Variants in PPCDC observed in about 807,000 individuals in gnomAD.
The protein encoded by PPCDC is phosphopantothenoylcysteine decarboxylase.
In PPCDC, 20 loss-of-function variants were observed where a neutral mutation model predicts 20.7. The ratio of observed to expected loss-of-function variants is 0.97; its 90% CI spans 0.68 to 1.41. The LOEUF (loss-of-function observed/expected upper bound fraction) is 1.41, where lower values mean the gene tolerates loss of function less well. Ranked by LOEUF, PPCDC falls within the 40% of genes most tolerant of loss-of-function variation. PPCDC has a pLI of 0.00. For synonymous variants in PPCDC, 88 were observed against 100.3 expected, an observed-to-expected ratio of 0.88 and a Z score of 0.73; for missense variants, 246 against 263.8, an observed-to-expected ratio of 0.93 and a Z score of 0.47.
At chr15:75,037,961 A>G (rs1460746323) in intron 2 of PPCDC, among the ~76,000 whole-genome samples, 2 of 152,156 alleles carry the variant, frequency 1.3e-5, no homozygotes, top group African/African-American at 4.8e-5. Flanking sequence ...GGAGATGGCT[A>G]GTATCCATTT....
intron 1 of PPCDC, among the ~76,000 whole-genome samples, chr15:75,025,027 C>G (rs573288140): frequency 5.9e-5 from 9 of 152,240 alleles, no homozygotes; most frequent in Admixed American, 5.9e-4. Flanking sequence ...AAGCGATCCT[C>G]CTGCCTCAGC....
At chr15:75,039,792 T>C (rs1473479174) in intron 2 of PPCDC, among the ~76,000 whole-genome samples, 1 of 151,724 alleles carries the variant, frequency 6.6e-6, no homozygotes, top group Non-Finnish European at 1.5e-5. Context: ...TTCTTTGTTT[T>C]TTTTTTTTTG....
intron 2 of PPCDC, among the ~76,000 whole-genome samples, chr15:75,032,691 G>A (rs557180388): frequency 6.8e-5 from 10 of 147,666 alleles, no homozygotes; most frequent in South Asian, 4.3e-4. Context: ...AGATGGAAGC[G>A]GAATAAGCAG....
chr15:75,039,317 C>G (rs2066124193), intron 2 of PPCDC, among the ~76,000 whole-genome samples: 1 of 152,184 alleles, frequency 6.6e-6, no homozygotes, highest in African/African-American at 2.4e-5. Context: ...TATCAGTAGT[C>G]TCCTGCCTGG....
chr15:75,032,733 C>CG lies in PPCDC; in HGVS notation c.135+4280_135+4281insG, dbSNP rs530128059. Among the ~76,000 whole-genome samples the CG allele has an allele frequency of 1.4e-4, 19 of 137,144 alleles. 2 individuals carry two copies. Among genetic ancestry groups the CG allele is most frequent in the South Asian group, 2.7e-4 (1 of 3,732 alleles). 90.0% of individuals were successfully genotyped at this position (137,144 alleles called of 152,430 possible). ...GGAGCTAGCAAACTGGACCCCCCCC[C>CG]CCAAGGCCAAATTCGGCTCTGCCTG... On this transcript the variant is annotated intron_variant, in intron 2 of 5. Coordinates refer to ENST00000342932, the MANE Select transcript of PPCDC (RefSeq NM_021823.5).
In PPCDC at chr15:75,031,602, G is replaced by A. The variant is rs150279676; in HGVS notation, c.135+3149G>A. On this transcript the variant is annotated intron_variant, in intron 2 of 5. Coordinates refer to ENST00000342932, the MANE Select transcript of PPCDC (RefSeq NM_021823.5). Reference sequence around the variant, plus strand: ...GCCTATAATCCCAGTTACTCAGGAGGCGGAGGCAGGAGAATCGCTTGAACC... The same window carrying A: ...GCCTATAATCCCAGTTACTCAGGAGACGGAGGCAGGAGAATCGCTTGAACC... Among the ~76,000 whole-genome samples the A allele has an allele frequency of 3.7e-3, 565 of 152,226 alleles. 3 individuals are homozygous for A. The highest frequency in any genetic ancestry group is 5.5e-3 in the Non-Finnish European group (377 of 68,022).
rs745961364 is a variant in PPCDC, at chr15:75,048,577, C to G, written c.385C>G (p.Arg129Gly). Residue 129 changes from arginine to glycine, a missense_variant, in exon 5 of 6, where the codon CGC (arginine) becomes GGC (glycine). Transcript: ENST00000342932. ...LLTCVMRAWD[R>G]SKPLLFCPAM... ...GACCTGCGTCATGCGGGCCTGGGACCGCAGCAAGCCCCTGCTCTTCTGCCC... is the reference window on the plus strand; with the variant it reads ...GACCTGCGTCATGCGGGCCTGGGACGGCAGCAAGCCCCTGCTCTTCTGCCC... 139 of 1,614,000 alleles carry G rather than the reference C, an allele frequency of 8.6e-5. 1 individual carries two copies. The highest frequency in any genetic ancestry group is 1.1e-4 in the Non-Finnish European group (129 of 1,179,974).
At chr15:75,035,291 TTGGTTCTAG>T (rs1206562608) in intron 2 of PPCDC, among the ~76,000 whole-genome samples, 1 of 152,204 alleles carries the variant, frequency 6.6e-6, no homozygotes, top group Non-Finnish European at 1.5e-5. Flanking sequence ...CTACTGGCTC[TTGGTTCTAG>T]TGGGTAGAGG....
Position 75,048,229 on chromosome 15 carries a change from C to T in PPCDC, c.361-324C>T, listed in dbSNP as rs548709996. On this transcript the variant is annotated intron_variant, in intron 4 of 5. Coordinates refer to ENST00000342932, the MANE Select transcript of PPCDC (RefSeq NM_021823.5). ...TTGCTTTCTGGTGCAACCAAAAAAG[C>T]CTGCCTTCTGCTCCCCAGGGTTGCT... Among the ~76,000 whole-genome samples, 5 of 152,310 alleles carry T rather than the reference C, an allele frequency of 3.3e-5. No individual in the cohort carries two copies. The South Asian group carries it at 8.3e-4, about 25-fold the overall frequency.
intron 3 of PPCDC, among the ~76,000 whole-genome samples, 161 bp from the exon 4 acceptor site, chr15:75,044,225 C>T (rs999949890): frequency 1.5e-4 from 22 of 150,876 alleles, no homozygotes; most frequent in Non-Finnish European, 2.8e-4. Context: ...GCTGCTGGCT[C>T]CATGGCTAGC....
chr15:75,034,053 G>A (rs2066057204), intron 2 of PPCDC, among the ~76,000 whole-genome samples: 1 of 152,184 alleles, frequency 6.6e-6, no homozygotes, highest in African/African-American at 2.4e-5. Flanking sequence ...GTCACAGAAG[G>A]GCTGGGGTGG....
At chr15:75,031,513 C>T (rs1454770979) in intron 2 of PPCDC, among the ~76,000 whole-genome samples, 1 of 152,050 alleles carries the variant, frequency 6.6e-6, no homozygotes, top group African/African-American at 2.4e-5. Context: ...TCGAGACCAC[C>T]CTAGCCAACA....
At chr15:75,033,244 T>G (rs1028970179) in intron 2 of PPCDC, among the ~76,000 whole-genome samples, 2 of 152,246 alleles carry the variant, frequency 1.3e-5, no homozygotes, top group South Asian at 4.1e-4. Context: ...GTATTGCCTA[T>G]GGCTGCATTC....
Position 75,028,249 on chromosome 15 carries a change from C to T in PPCDC, c.-70C>T. ...GGTGGCCCTTGTTCTCCTTTTAGAT[C>T]CTAAATCCCGACAGCTTTATAGAGC... On this transcript the variant is annotated splice_region_variant and 5_prime_UTR_variant, in exon 2 of 6. Transcript: ENST00000342932. 2 of 1,571,168 alleles carry T rather than the reference C, an allele frequency of 1.3e-6. No homozygotes were observed. The highest frequency in any genetic ancestry group is 1.7e-6 in the Non-Finnish European group (2 of 1,161,030).
intron 2 of PPCDC, among the ~76,000 whole-genome samples, chr15:75,033,983 TC>T (rs2066056418): frequency 6.6e-6 from 1 of 152,054 alleles, no homozygotes; most frequent in South Asian, 2.1e-4. Context: ...GAACACCAGC[TC>T]CCCCAGGGGC....
Position 75,028,398 on chromosome 15 carries a change from G to C in PPCDC, c.80G>C (p.Ser27Thr), listed in dbSNP as rs779115608. ...KFHVLVGVTG[S>T]VAALKLPLLV... ...CATGTTCTTGTGGGTGTCACGGGGA[G>C]TGTCGCAGCCCTGAAGTTGCCTCTT... Residue 27 changes from serine (S) to threonine (T), a missense_variant, in exon 2 of 6, where the codon AGT becomes ACT. This residue lies in a region of PPCDC where 225 missense variants were observed against 222.6 expected (regional missense o/e 1.01). Coordinates refer to ENST00000342932, the MANE Select transcript of PPCDC (RefSeq NM_021823.5). The C allele has an allele frequency of 1.1e-5, 17 of 1,614,240 alleles. No homozygotes were observed. The South Asian group carries it at 1.8e-4, about 17-fold the overall frequency.
At chr15:75,049,087 C>A in intron 5 of PPCDC, 63 bp from the exon 6 acceptor site, 1 of 1,446,822 alleles carries the variant, frequency 6.9e-7, no homozygotes, top group Non-Finnish European at 9.7e-7. Flanking sequence ...GAGCAATGGG[C>A]AGGGGTCTGC....
intron 4 of PPCDC, among the ~76,000 whole-genome samples, chr15:75,047,596 G>A (rs73438547): frequency 6.6e-6 from 1 of 152,358 alleles, no homozygotes; most frequent in African/African-American, 2.4e-5. Flanking sequence ...CCAGCCCAGG[G>A]AGCCTGTGCC....
intron 1 of PPCDC, among the ~76,000 whole-genome samples, chr15:75,024,595 C>T (rs570502125): frequency 3.3e-5 from 5 of 150,012 alleles, no homozygotes; most frequent in South Asian, 2.1e-4. Flanking sequence ...CTCAAGCTAT[C>T]CTCCTTCCTT....
Sources: allele counts gnomAD v4.1 joint callset (sites outside exome capture counted in the v4.1 genomes callset), GRCh38; gene constraint gnomAD v4.1.1; regional missense constraint gnomAD v4.1.1; transcripts MANE v1.5; gene names NCBI Gene and HGNC (gene_info 2026-07-23, HGNC 2026-07-21).